Variants in PKP4 observed in about 807,000 individuals in gnomAD.
PKP4 encodes the protein plakophilin 4.
A neutral mutation model predicts 145.1 loss-of-function variants in PKP4; 90 were observed. The ratio of observed to expected loss-of-function variants is 0.62; its 90% CI spans 0.52 to 0.74. The LOEUF (loss-of-function observed/expected upper bound fraction) is 0.74, where lower values mean the gene tolerates loss of function less well. Among genes scored for constraint, PKP4 ranks in the 30% least tolerant of loss-of-function variants. The pLI, the probability that PKP4 is intolerant of heterozygous loss-of-function variation, is 0.00. For missense variants in PKP4, 1,340 were observed against 1,482.7 expected (o/e 0.90, Z 1.58); for synonymous variants, 563 against 577.2 (o/e 0.98, Z 0.35).
chr2:158,533,377 C>A, intron 2 of PKP4, 61 bp downstream of exon 2: 1 of 1,575,652 alleles, frequency 6.3e-7, no homozygotes, highest in South Asian at 1.1e-5. Flanking sequence ...AAAAATTAAT[C>A]TTTGGATATG....
At chr2:158,517,932 A>G (rs559834297) in intron 1 of PKP4, among the ~76,000 whole-genome samples, 4 of 152,274 alleles carry the variant, frequency 2.6e-5, no homozygotes, top group African/African-American at 9.6e-5. Flanking sequence ...AAAACAAAAG[A>G]AAATAAGATA....
At chr2:158,538,336 T>C (rs1406850906) in intron 2 of PKP4, among the ~76,000 whole-genome samples, 1 of 152,150 alleles carries the variant, frequency 6.6e-6, no homozygotes, top group Non-Finnish European at 1.5e-5. Context: ...TTAGAAACAC[T>C]CTTTAAAAGA....
At chr2:158,540,805 A>G (rs2044453346) in intron 2 of PKP4, among the ~76,000 whole-genome samples, 1 of 152,124 alleles carries the variant, frequency 6.6e-6, no homozygotes, top group Non-Finnish European at 1.5e-5. Context: ...TTTAATTTTT[A>G]CCATTGAATT....
At chr2:158,595,817 C>T (rs1474894472) in intron 3 of PKP4, among the ~76,000 whole-genome samples, 1 of 151,966 alleles carries the variant, frequency 6.6e-6, no homozygotes, top group East Asian at 1.9e-4. Context: ...GTTATTTTGT[C>T]ATATTTCCTT....
At chr2:158,530,561 G>A (rs1313724451) in intron 1 of PKP4, among the ~76,000 whole-genome samples, 2 of 114,918 alleles carry the variant, frequency 1.7e-5, no homozygotes, top group South Asian at 5.8e-4. Context: ...ATTATTCTGT[G>A]ACTCCAGTCT....
chr2:158,598,520 C>A (rs1391939728), intron 3 of PKP4, among the ~76,000 whole-genome samples: 1 of 152,180 alleles, frequency 6.6e-6, no homozygotes, highest in African/African-American at 2.4e-5. Flanking sequence ...GTAATCCTAG[C>A]ACTTTGGGAG....
intron 10 of PKP4, among the ~76,000 whole-genome samples, chr2:158,641,922 C>G (rs947784811): frequency 6.6e-6 from 1 of 152,112 alleles, no homozygotes; most frequent in African/African-American, 2.4e-5. Flanking sequence ...GACTGTGCTG[C>G]CTGCCGATGG....
At chr2:158,662,621 G>A (rs2056705476) in intron 13 of PKP4, 1 of 275,612 alleles carries the variant, frequency 3.6e-6, no homozygotes, top group Admixed American at 4.7e-5. Context: ...CACGGCAGCA[G>A]CCCTGAAGAG....
chr2:158,487,112 C>T (rs1052207697), intron 1 of PKP4, among the ~76,000 whole-genome samples: 15 of 151,984 alleles, frequency 9.9e-5, no homozygotes, highest in African/African-American at 2.9e-4. Flanking sequence ...AAGTAGTGGC[C>T]AGAGAATGGA....
chr2:158,513,659 C>G (rs2041704070), intron 1 of PKP4, among the ~76,000 whole-genome samples: 1 of 152,190 alleles, frequency 6.6e-6, no homozygotes, highest in African/African-American at 2.4e-5. Flanking sequence ...CTCCTGACTC[C>G]AGGTCACATT....
intron 1 of PKP4, among the ~76,000 whole-genome samples, chr2:158,471,007 G>A (rs575008292): frequency 6.6e-6 from 1 of 152,166 alleles, no homozygotes; most frequent in Non-Finnish European, 1.5e-5. Flanking sequence ...TTTAAAAACA[G>A]CATGCTTGCT....
chr2:158,533,218 G>A lies in PKP4; in HGVS notation c.34G>A (p.Glu12Lys). ...PAPEQASLVE[E>K]GQPQTRQEAA... is the part of the protein sequence containing the mutation. ...TCCTGAGCAGGCCTCATTGGTGGAGGAGGGGCAACCACAGACCCGCCAGGA... is the reference window on the plus strand; with the variant it reads ...TCCTGAGCAGGCCTCATTGGTGGAGAAGGGGCAACCACAGACCCGCCAGGA... Residue 12 changes from glutamate to lysine, a missense_variant, in exon 2 of 22, where the codon GAG (glutamate) becomes AAG (lysine). Physicochemically the swap from Glu to Lys is moderately conservative, Grantham distance 56 (BLOSUM62 1). Transcript: ENST00000389759. The A allele has an allele frequency of 1.9e-6, 3 of 1,613,622 alleles. No homozygotes were observed. Among genetic ancestry groups the A allele is most frequent in the Non-Finnish European group, 1.7e-6 (2 of 1,179,956 alleles).
At chr2:158,626,687 T>G (rs2052824970) in intron 7 of PKP4, among the ~76,000 whole-genome samples, 1 of 152,178 alleles carries the variant, frequency 6.6e-6, no homozygotes, top group African/African-American at 2.4e-5. Context: ...ATATTCCAAG[T>G]TTTTCATCTT....
intron 1 of PKP4, among the ~76,000 whole-genome samples, chr2:158,463,189 A>T (rs1690043400): frequency 6.6e-6 from 1 of 152,226 alleles, no homozygotes; most frequent in Admixed American, 6.5e-5. Flanking sequence ...TGCGGTAGGC[A>T]ATACTTAGAG....
At chr2:158,520,242 G>C (rs931373629) in intron 1 of PKP4, among the ~76,000 whole-genome samples, 4 of 152,188 alleles carry the variant, frequency 2.6e-5, no homozygotes, top group Admixed American at 6.5e-5. Context: ...GGTGCCAACA[G>C]TGTTGACTCT....
chr2:158,637,512 T>G (rs535537758), intron 9 of PKP4, among the ~76,000 whole-genome samples: 3 of 152,166 alleles, frequency 2.0e-5, no homozygotes, highest in African/African-American at 7.2e-5. Flanking sequence ...CTAACCACTT[T>G]GGCACCCACA....
At chr2:158,611,680 G>A (rs907349210) in intron 4 of PKP4, among the ~76,000 whole-genome samples, 5 of 152,076 alleles carry the variant, frequency 3.3e-5, no homozygotes, top group Non-Finnish European at 5.9e-5. Context: ...GTGTTGTATT[G>A]TACATGTTCA....
At chr2:158,515,101 G>A (rs539875337) in intron 1 of PKP4, among the ~76,000 whole-genome samples, 14 of 152,124 alleles carry the variant, frequency 9.2e-5, no homozygotes, top group South Asian at 8.3e-4. Context: ...ATAAATTAAC[G>A]TCTGTCCTAA....
chr2:158,590,312 A>AGTGTGT (rs57003090), intron 3 of PKP4, among the ~76,000 whole-genome samples: 7,836 of 124,108 alleles, frequency 0.063, 378 homozygotes, highest in Non-Finnish European at 0.085. Flanking sequence ...GAATGTCTTG[A>AGTGTGT]GTGTGTGTGT....
Sources: gnomAD v4.1 joint callset for allele counts (sites outside exome capture counted in the v4.1 genomes callset) on GRCh38, gnomAD v4.1.1 for gene constraint, MANE v1.5 for transcripts, NCBI Gene and HGNC (gene_info 2026-07-23, HGNC 2026-07-21) for gene names.